Variants in PDE10A observed in about 807,000 individuals in gnomAD.
The protein encoded by PDE10A is phosphodiesterase 10A, also known as cAMP and cAMP-inhibited cGMP 3',5'-cyclic phosphodiesterase 10A.
Under a neutral mutation model 97.7 loss-of-function variants are expected in PDE10A, and 39 were observed. The ratio of observed to expected loss-of-function variants is 0.40; its 90% confidence interval spans 0.31 to 0.52. The LOEUF is 0.52. Ranked by LOEUF, PDE10A falls within the 20% of genes least tolerant of loss-of-function variation. The pLI is 0.56. For synonymous variants in PDE10A, 371 were observed against 376.8 expected (o/e 0.98, Z 0.18); for missense variants, 731 against 1,047.8 (o/e 0.70, Z 4.17).
At chr6:165,956,696 A>C (rs1263091408) in intron 1 of PDE10A, among the ~76,000 whole-genome samples, 2 of 152,226 alleles carry the variant, frequency 1.3e-5, no homozygotes, top group African/African-American at 4.8e-5. Flanking sequence ...ATAACTATTA[A>C]TACAAGGAGC....
intron 1 of PDE10A, among the ~76,000 whole-genome samples, chr6:165,961,705 C>T (rs996799710): frequency 1.3e-5 from 2 of 152,234 alleles, no homozygotes; most frequent in African/African-American, 4.8e-5. Context: ...CCAGACTGTA[C>T]AGTATGGTGT....
chr6:165,399,678 T>G (rs924461210), intron 13 of PDE10A, among the ~76,000 whole-genome samples: 1 of 151,902 alleles, frequency 6.6e-6, no homozygotes, highest in Admixed American at 6.6e-5. Context: ...ATGTGGTGTT[T>G]GGTTTTCTGT....
At chr6:165,787,209 C>T (rs1562736632) in intron 1 of PDE10A, among the ~76,000 whole-genome samples, 1 of 151,930 alleles carries the variant, frequency 6.6e-6, no homozygotes, top group Non-Finnish European at 1.5e-5. Flanking sequence ...GATAAACAGC[C>T]ATTAAAAAAA....
intron 1 of PDE10A, among the ~76,000 whole-genome samples, chr6:165,763,652 C>T (rs1392819772): frequency 6.6e-6 from 1 of 152,206 alleles, no homozygotes; most frequent in Non-Finnish European, 1.5e-5. Flanking sequence ...TTTTATTTCA[C>T]TTGTCCTTTC....
At chr6:165,618,960 T>C (rs1787855250) in intron 1 of PDE10A, among the ~76,000 whole-genome samples, 1 of 93,486 alleles carries the variant, frequency 1.1e-5, no homozygotes, top group Non-Finnish European at 2.0e-5. Flanking sequence ...TAGTGCAGTG[T>C]AGACTAGTGT....
intron 1 of PDE10A, among the ~76,000 whole-genome samples, chr6:165,565,845 CAACA>C (rs2128340776): frequency 6.6e-6 from 1 of 152,164 alleles, no homozygotes; most frequent in East Asian, 1.9e-4. Flanking sequence ...ATACTCTTTT[CAACA>C]AATAGTGTCA....
chr6:165,684,344 G>T (rs2128440166), intron 1 of PDE10A, among the ~76,000 whole-genome samples: 1 of 152,316 alleles, frequency 6.6e-6, no homozygotes, highest in Non-Finnish European at 1.5e-5. Context: ...TGTCTACTGT[G>T]GATGGGCACC....
At chr6:165,496,102 G>A (rs1780520320) in intron 2 of PDE10A, among the ~76,000 whole-genome samples, 1 of 151,958 alleles carries the variant, frequency 6.6e-6, no homozygotes, top group Non-Finnish European at 1.5e-5. Flanking sequence ...GCAAAAATAA[G>A]CAAAGCAGCC....
At chr6:165,913,902 A>G (rs1274918096) in intron 1 of PDE10A, among the ~76,000 whole-genome samples, 1 of 152,270 alleles carries the variant, frequency 6.6e-6, no homozygotes, top group Non-Finnish European at 1.5e-5. Flanking sequence ...AAGAGATTTT[A>G]TCTTTTTCTC....
At chr6:165,968,870 C>T (rs759586972) in intron 1 of PDE10A, among the ~76,000 whole-genome samples, 4 of 152,304 alleles carry the variant, frequency 2.6e-5, no homozygotes, top group South Asian at 2.1e-4. Context: ...GACCAGGCTG[C>T]GGGCTTGAAC....
chr6:165,508,932 C>G (rs1392578422), intron 2 of PDE10A, among the ~76,000 whole-genome samples: 1 of 152,024 alleles, frequency 6.6e-6, no homozygotes, highest in East Asian at 1.9e-4. Flanking sequence ...TTAAATCAGA[C>G]CCCTGCACCT....
intron 10 of PDE10A, among the ~76,000 whole-genome samples, chr6:165,427,720 G>A (rs1199182596): frequency 1.3e-5 from 2 of 152,088 alleles, no homozygotes; most frequent in Admixed American, 6.6e-5. Context: ...AGTGCTCCTT[G>A]TACCCCTAGC....
intron 12 of PDE10A, among the ~76,000 whole-genome samples, chr6:165,415,532 A>G (rs1359921697): frequency 6.6e-6 from 1 of 152,244 alleles, no homozygotes; most frequent in Non-Finnish European, 1.5e-5. Flanking sequence ...AGTCAAAACA[A>G]AACAAAAAAT....
intron 1 of PDE10A, among the ~76,000 whole-genome samples, chr6:165,762,216 T>A (rs946937046): frequency 6.6e-6 from 1 of 152,252 alleles, no homozygotes; most frequent in Admixed American, 6.5e-5. Flanking sequence ...ATTTCCTGCA[T>A]TTCTTCCCTG....
chr6:165,700,174 A>G (rs919199354), intron 1 of PDE10A, among the ~76,000 whole-genome samples: 11 of 152,244 alleles, frequency 7.2e-5, no homozygotes, highest in African/African-American at 2.7e-4. Context: ...TGAAAACATT[A>G]TGCTCAGTGA....
intron 1 of PDE10A, among the ~76,000 whole-genome samples, chr6:165,615,745 T>A (rs1202917689): frequency 1.3e-5 from 2 of 152,234 alleles, no homozygotes; most frequent in Admixed American, 1.3e-4. Context: ...GAAATTCGCA[T>A]GTCTTTTCAC....
rs116556002 is a variant in PDE10A, at chr6:165,919,455, C to A, written c.-615+68074G>T. Among the ~76,000 whole-genome samples the A allele has an allele frequency of 3.6e-3, 556 of 152,338 alleles. 2 individuals carry two copies. The highest frequency in any genetic ancestry group is 0.013 in the African/African-American group (539 of 41,566). The stretch of plus-strand genomic sequence containing the variant: ...ATTCCACAGACCACGTTTCTCCTAT[C>A]AGCCCAATCTTTCCACTTTCTAGCC... On this transcript the variant is annotated intron_variant, in intron 1 of 19. Transcript: ENST00000366882.
At chr6:165,645,963 GC>G (rs1307267606) in intron 1 of PDE10A, among the ~76,000 whole-genome samples, 1 of 152,006 alleles carries the variant, frequency 6.6e-6, no homozygotes, top group Non-Finnish European at 1.5e-5. Context: ...TGAGGACAAT[GC>G]CCTTATATAA....
chr6:165,463,653 A>C (rs1301850085), intron 3 of PDE10A, among the ~76,000 whole-genome samples: 1 of 151,066 alleles, frequency 6.6e-6, no homozygotes, highest in Non-Finnish European at 1.5e-5. Context: ...CAAATCAAAG[A>C]AGGGGGACAT....
Sources: allele counts gnomAD v4.1 joint callset (sites outside exome capture counted in the v4.1 genomes callset), GRCh38; gene constraint gnomAD v4.1.1; transcripts MANE v1.5; gene names NCBI Gene and HGNC (gene_info 2026-07-23, HGNC 2026-07-21).